Variants in ACTL8 observed in about 807,000 individuals in gnomAD.
ACTL8 encodes actin-like protein 8.
Under a neutral mutation model 9.3 loss-of-function variants are expected in ACTL8, and 3 were observed. That is an observed-to-expected ratio of 0.32 (90% CI 0.15 to 0.83). The LOEUF (loss-of-function observed/expected upper bound fraction) is 0.83. Among genes scored for constraint, ACTL8 ranks in the 40% least tolerant of loss-of-function variants. The probability of loss-of-function intolerance (pLI) is 0.57; values close to 1 mark genes in which losing one functional copy is unlikely to be tolerated. For synonymous variants in ACTL8, 224 were observed against 205.9 expected, an observed-to-expected ratio of 1.09 and a Z score of -0.75; for missense variants, 381 against 492.2, an observed-to-expected ratio of 0.77 and a Z score of 2.14.
intron 1 of ACTL8, among the ~76,000 whole-genome samples, chr1:17,769,878 T>A (rs948694117): frequency 1.3e-5 from 2 of 152,226 alleles, no homozygotes; most frequent in South Asian, 2.1e-4. Context: ...TTATTTGAAA[T>A]TTTTGAAAGA....
intron 1 of ACTL8, among the ~76,000 whole-genome samples, chr1:17,801,917 A>G (rs72648491): frequency 0.1 from 15,336 of 152,230 alleles, 884 homozygotes; most frequent in Admixed American, 0.16. Flanking sequence ...CCTTATATCT[A>G]CAGATGGGTA....
At chr1:17,761,525 C>T (rs780267663) in intron 1 of ACTL8, among the ~76,000 whole-genome samples, 26 of 151,848 alleles carry the variant, frequency 1.7e-4, no homozygotes, top group Admixed American at 9.8e-4. Context: ...AATTAATTAC[C>T]GAAGGAACAC....
chr1:17,757,484 C>A (rs967112050), intron 1 of ACTL8, among the ~76,000 whole-genome samples: 1 of 147,336 alleles, frequency 6.8e-6, no homozygotes, highest in East Asian at 2.0e-4. Flanking sequence ...CCACCCCCCC[C>A]ACCCCCACCC....
chr1:17,807,952 T>C (rs2066369752), intron 1 of ACTL8, among the ~76,000 whole-genome samples: 1 of 151,958 alleles, frequency 6.6e-6, no homozygotes, highest in South Asian at 2.1e-4. Context: ...TGTAACAAAA[T>C]TGGATGTTCT....
At chr1:17,779,606 G>C (rs1239024873) in intron 1 of ACTL8, among the ~76,000 whole-genome samples, 3 of 152,138 alleles carry the variant, frequency 2.0e-5, no homozygotes, top group African/African-American at 7.2e-5. Context: ...AGATGAGCTG[G>C]GTGCCTCTCT....
chr1:17,760,260 C>T (rs1254939944), intron 1 of ACTL8, among the ~76,000 whole-genome samples: 1 of 152,114 alleles, frequency 6.6e-6, no homozygotes, highest in Non-Finnish European at 1.5e-5. Context: ...TTTTAAGTAA[C>T]ACTGATGGAT....
At chr1:17,814,689 T>G (rs1417523929) in intron 1 of ACTL8, among the ~76,000 whole-genome samples, 1 of 152,076 alleles carries the variant, frequency 6.6e-6, no homozygotes, top group African/African-American at 2.4e-5. Context: ...CCTACAGTAT[T>G]CAGTAGAATA....
intron 1 of ACTL8, among the ~76,000 whole-genome samples, chr1:17,816,256 C>T (rs2066425616): frequency 6.8e-6 from 1 of 147,002 alleles, no homozygotes; most frequent in Non-Finnish European, 1.5e-5. Flanking sequence ...GGCTGAAGTG[C>T]AGTGGTGCAA....
At chr1:17,783,755 T>TG (rs953296066) in intron 1 of ACTL8, among the ~76,000 whole-genome samples, 3 of 152,220 alleles carry the variant, frequency 2.0e-5, no homozygotes, top group Non-Finnish European at 4.4e-5. Flanking sequence ...CTCCGTTTTC[T>TG]GGGGAAAGCT....
intron 1 of ACTL8, among the ~76,000 whole-genome samples, chr1:17,766,495 A>G (rs1033383808): frequency 2.0e-5 from 3 of 152,148 alleles, no homozygotes; most frequent in African/African-American, 7.2e-5. Flanking sequence ...TTATTCTACC[A>G]CTATCTAAAG....
intron 1 of ACTL8, among the ~76,000 whole-genome samples, chr1:17,758,170 C>G (rs1344353287): frequency 6.6e-6 from 1 of 152,166 alleles, no homozygotes; most frequent in Non-Finnish European, 1.5e-5. Context: ...GATGGGCTCC[C>G]TGATTTCAGT....
intron 1 of ACTL8, among the ~76,000 whole-genome samples, chr1:17,787,190 A>G (rs909858953): frequency 1.3e-5 from 2 of 152,102 alleles, no homozygotes; most frequent in Non-Finnish European, 2.9e-5. Flanking sequence ...TTACAAACAT[A>G]TATGAATGCT....
chr1:17,779,549 G>C (rs1479336717), intron 1 of ACTL8, among the ~76,000 whole-genome samples: 1 of 152,158 alleles, frequency 6.6e-6, no homozygotes, highest in African/African-American at 2.4e-5. Flanking sequence ...CTGAAATCTT[G>C]GTGGCTTAAA....
At chr1:17,769,321 T>C (rs2066067605) in intron 1 of ACTL8, among the ~76,000 whole-genome samples, 2 of 152,154 alleles carry the variant, frequency 1.3e-5, no homozygotes, top group South Asian at 4.1e-4. Flanking sequence ...TCCTTGTCAC[T>C]GCAGAGCTGT....
chr1:17,778,033 A>T (rs1371923736), intron 1 of ACTL8, among the ~76,000 whole-genome samples: 1 of 152,104 alleles, frequency 6.6e-6, no homozygotes, highest in Non-Finnish European at 1.5e-5. Context: ...TTGTCATGCC[A>T]TGTACTGTGG....
At chr1:17,790,065 G>A (rs969784977) in intron 1 of ACTL8, among the ~76,000 whole-genome samples, 12 of 152,232 alleles carry the variant, frequency 7.9e-5, no homozygotes, top group Admixed American at 5.9e-4. Flanking sequence ...GCCAGCTGCT[G>A]CAGTGGGGCA....
intron 1 of ACTL8, among the ~76,000 whole-genome samples, chr1:17,774,306 C>CCCA (rs1297551424): frequency 6.6e-6 from 1 of 152,114 alleles, no homozygotes; most frequent in African/African-American, 2.4e-5. Context: ...GGCGCCCTTG[C>CCCA]CCACGCTGGG....
intron 1 of ACTL8, among the ~76,000 whole-genome samples, chr1:17,790,214 C>T (rs932328929): frequency 5.9e-5 from 9 of 152,196 alleles, no homozygotes; most frequent in Admixed American, 2.6e-4. Flanking sequence ...AACCACAGGG[C>T]CCCAGTGAGG....
chr1:17,764,797 G>A (rs1471123262), intron 1 of ACTL8, among the ~76,000 whole-genome samples: 1 of 152,202 alleles, frequency 6.6e-6, no homozygotes, highest in South Asian at 2.1e-4. Flanking sequence ...GGGAGTTCAC[G>A]CAGAAACTGA....
Sources: gnomAD v4.1 joint callset for allele counts (sites outside exome capture counted in the v4.1 genomes callset) on GRCh38, gnomAD v4.1.1 for gene constraint, MANE v1.5 for transcripts, NCBI Gene and HGNC (gene_info 2026-07-23, HGNC 2026-07-21) for gene names.